CDK13: variants seen among roughly 807,000 people sequenced by gnomAD.
CDK13 encodes cyclin dependent kinase 13, also known as cyclin-dependent kinase 13.
In CDK13, 40 loss-of-function variants were observed where a neutral mutation model predicts 137.6. The observed-to-expected ratio is 0.29, with a 90% confidence interval of 0.23 to 0.38. The LOEUF (loss-of-function observed/expected upper bound fraction) is 0.38, where lower values mean the gene tolerates loss of function less well. CDK13 is among the 10% of genes least tolerant of loss of function. CDK13 has a pLI of 1.00. For missense variants in CDK13, 1,704 were observed against 1,951.8 expected, an observed-to-expected ratio of 0.87 and a Z score of 2.39; for synonymous variants, 869 against 760.1, an observed-to-expected ratio of 1.14 and a Z score of -2.36.
chr7:40,045,042 G>C (rs1267054645), intron 5 of CDK13, among the ~76,000 whole-genome samples: 1 of 152,136 alleles, frequency 6.6e-6, no homozygotes, highest in Non-Finnish European at 1.5e-5. Context: ...TCCTTCTGTT[G>C]CAAGTTTACC....
At chr7:40,042,148 C>T (rs1030011880) in intron 5 of CDK13, among the ~76,000 whole-genome samples, 3 of 151,804 alleles carry the variant, frequency 2.0e-5, no homozygotes, top group Non-Finnish European at 2.9e-5. Context: ...GGCGCGATCT[C>T]GGCTCACTGC....
chr7:40,056,464 G>A (rs770583520), intron 7 of CDK13, among the ~76,000 whole-genome samples: 2 of 152,086 alleles, frequency 1.3e-5, no homozygotes, highest in Non-Finnish European at 2.9e-5. Context: ...TTGCTCACCC[G>A]CCTCAGGGAA....
At chr7:40,019,050 A>G (rs1032622280) in intron 5 of CDK13, among the ~76,000 whole-genome samples, 8 of 152,242 alleles carry the variant, frequency 5.3e-5, no homozygotes, top group Non-Finnish European at 7.3e-5. Context: ...CTATGTGGTT[A>G]TATACATTGT....
chr7:39,986,154 A>G (rs1784334346), intron 1 of CDK13: 1 of 152,214 alleles, frequency 6.6e-6, no homozygotes, highest in Non-Finnish European at 1.5e-5. Context: ...AGGTAACGTA[A>G]TATTTTACCC....
At chr7:40,067,656 A>G (rs1786310071) in intron 9 of CDK13, 1 of 152,022 alleles carries the variant, frequency 6.6e-6, no homozygotes, top group African/African-American at 2.4e-5. Flanking sequence ...GAAAAATTTT[A>G]TAAGATATTA....
intron 13 of CDK13, 65 bp from the exon 14 acceptor site, chr7:40,094,065 G>A: frequency 6.5e-7 from 1 of 1,542,160 alleles, no homozygotes; most frequent in Non-Finnish European, 8.8e-7. Flanking sequence ...AGGAAACACT[G>A]AGTATTTTGA....
intron 1 of CDK13, among the ~76,000 whole-genome samples, chr7:39,961,479 G>T (rs1477814262): frequency 2.0e-5 from 3 of 152,016 alleles, no homozygotes; most frequent in African/African-American, 7.3e-5. Flanking sequence ...TGTGTCTTTT[G>T]ATCAACATCT....
intron 5 of CDK13, among the ~76,000 whole-genome samples, chr7:40,014,257 C>T (rs948680606): frequency 6.6e-6 from 1 of 151,254 alleles, no homozygotes; most frequent in African/African-American, 2.4e-5. Flanking sequence ...TTAATGGAAA[C>T]GGGGTTTCAC....
At position 40,042,477 on chromosome 7, in the gene CDK13, CTTTTTTTT is replaced by C. The variant is rs5883713; in HGVS notation, c.2354-3344_2354-3337del. ...TCCAGTTTGTCCTTTTCTTTTCTTT[CTTTTTTTT>C]TTTTTTTTTTTTTTGACAGGGTTCA... On this transcript the variant is annotated intron_variant, in intron 5 of 13. Coordinates refer to ENST00000181839, the MANE Select transcript of CDK13 (RefSeq NM_003718.5). Among the ~76,000 whole-genome samples, 648 of 76,174 alleles carry C rather than the reference CTTTTTTTT, an allele frequency of 8.5e-3. 3 individuals carry two copies. Among genetic ancestry groups the C allele is most frequent in the African/African-American group, 0.033 (608 of 18,368 alleles). The allele number at this position is 76,174 out of a possible 152,430, so 50.0% of individuals were successfully genotyped here. A position where few individuals can be genotyped will look rare whatever the true frequency, so the allele number is the denominator to read the frequency against.
chr7:39,954,101 C>T (rs1234291002), intron 1 of CDK13, among the ~76,000 whole-genome samples: 5 of 152,144 alleles, frequency 3.3e-5, no homozygotes, highest in Admixed American at 3.3e-4. Flanking sequence ...CAAGTTTAAC[C>T]CTTTGGAATG....
chr7:39,951,848 C>G lies in CDK13; in HGVS notation c.1207C>G (p.Leu403Val). The part of the protein sequence containing the change: ...RRSRSPYSPV[L>V]RRSGKSRSRS... ...CTCTCGCAGTCCCTACAGCCCTGTG[C>G]TCAGGTGAGTTCTGCCGTTCTGCCT... The change falls in exon 1 of 14, where the codon CTC becomes GTC. Residue 403 changes from leucine to valine, a missense_variant. Around this residue, in one of 5 missense-constraint regions of CDK13, gnomAD observed 1,051 missense variants for 931.0 expected, o/e 1.13. Transcript: ENST00000181839. The G allele has an allele frequency of 2.2e-6, 3 of 1,392,884 alleles. No homozygotes were observed. The highest frequency in any genetic ancestry group is 2.8e-6 in the Non-Finnish European group (3 of 1,075,096). The allele number at this position is 1,392,884 out of a possible 1,614,324, so 86.3% of individuals were successfully genotyped here.
At chr7:40,031,373 ATAACT>A (rs1785374667) in intron 5 of CDK13, among the ~76,000 whole-genome samples, 1 of 152,010 alleles carries the variant, frequency 6.6e-6, no homozygotes. Flanking sequence ...AATACAAAAA[ATAACT>A]TGACGTGGTG....
intron 5 of CDK13, among the ~76,000 whole-genome samples, chr7:40,030,288 G>GAC (rs1562738455): frequency 1.3e-5 from 2 of 151,462 alleles, no homozygotes; most frequent in East Asian, 3.9e-4. Context: ...GAGAGAGAGA[G>GAC]AGAGAAAGTC....
At chr7:39,952,026 AG>A in intron 1 of CDK13, 174 bp downstream of exon 1, 1 of 507,296 alleles carries the variant, frequency 2.0e-6, no homozygotes, top group Non-Finnish European at 3.1e-6. Context: ...ACACTTTTTT[AG>A]GGGGTCGAAG....
chr7:40,008,679 C>T (rs570862729), intron 5 of CDK13, among the ~76,000 whole-genome samples: 99 of 152,150 alleles, frequency 6.5e-4, no homozygotes, highest in Middle Eastern at 3.4e-3. Context: ...AACTATGTAT[C>T]TTTTTTTCCC....
At chr7:40,054,092 C>T (rs919686317) in intron 7 of CDK13, among the ~76,000 whole-genome samples, 2 of 152,134 alleles carry the variant, frequency 1.3e-5, no homozygotes, top group Non-Finnish European at 2.9e-5. Flanking sequence ...CTCTAGGGGC[C>T]TCTCAAGTCT....
chr7:40,027,390 T>C (rs1247442533), intron 5 of CDK13, among the ~76,000 whole-genome samples: 1 of 152,178 alleles, frequency 6.6e-6, no homozygotes, highest in Non-Finnish European at 1.5e-5. Flanking sequence ...ACCCCAGATA[T>C]AAAAATTATT....
chr7:40,008,998 G>A (rs186325456), intron 5 of CDK13, among the ~76,000 whole-genome samples: 5 of 152,226 alleles, frequency 3.3e-5, no homozygotes, highest in African/African-American at 1.2e-4. Flanking sequence ...CTTTTTGGGG[G>A]TGGGGCAGAA....
intron 5 of CDK13, among the ~76,000 whole-genome samples, chr7:40,003,530 C>T (rs1442186048): frequency 6.6e-6 from 1 of 152,126 alleles, no homozygotes; most frequent in Admixed American, 6.5e-5. Flanking sequence ...ATTAGCAAGA[C>T]TTTTAGCCCT....
Sources: allele counts gnomAD v4.1 joint callset (sites outside exome capture counted in the v4.1 genomes callset), GRCh38; gene constraint gnomAD v4.1.1; regional missense constraint gnomAD v4.1.1; transcripts MANE v1.5; gene names NCBI Gene and HGNC (gene_info 2026-07-23, HGNC 2026-07-21).